Variants in SRRM4 observed in about 807,000 individuals in gnomAD.
SRRM4 encodes the protein serine/arginine repetitive matrix 4.
A neutral mutation model predicts 68.9 loss-of-function variants in SRRM4; 33 were observed. The observed-to-expected ratio is 0.48, with a 90% CI of 0.36 to 0.64. The LOEUF is 0.64. Ranked by LOEUF, SRRM4 falls within the 30% of genes least tolerant of loss-of-function variation. The pLI is 0.00. For missense variants in SRRM4, 817 were observed against 827.1 expected, an observed-to-expected ratio of 0.99 and a Z score of 0.15; for synonymous variants, 318 against 318.8, an observed-to-expected ratio of 1.00 and a Z score of 0.03.
At chr12:119,024,767 T>G (rs1374463683) in intron 1 of SRRM4, among the ~76,000 whole-genome samples, 1 of 152,144 alleles carries the variant, frequency 6.6e-6, no homozygotes, top group African/African-American at 2.4e-5. Flanking sequence ...TCCAATCCCT[T>G]TACGTCCAAC....
At chr12:119,045,085 A>G (rs1197707101) in intron 1 of SRRM4, among the ~76,000 whole-genome samples, 1 of 152,216 alleles carries the variant, frequency 6.6e-6, no homozygotes, top group Non-Finnish European at 1.5e-5. Flanking sequence ...GAGACATGGT[A>G]GCTCTCATTG....
intron 1 of SRRM4, among the ~76,000 whole-genome samples, chr12:119,065,448 C>T (rs1219867673): frequency 6.6e-6 from 1 of 152,146 alleles, no homozygotes; most frequent in Non-Finnish European, 1.5e-5. Context: ...TAAAAAAATC[C>T]ATGGGTGGCC....
intron 1 of SRRM4, among the ~76,000 whole-genome samples, chr12:119,054,711 C>T (rs1391631263): frequency 6.6e-6 from 1 of 152,172 alleles, no homozygotes; most frequent in Non-Finnish European, 1.5e-5. Flanking sequence ...CCAGATAGAT[C>T]CAGGAGCTAG....
chr12:119,022,421 G>T (rs1267567381), intron 1 of SRRM4, among the ~76,000 whole-genome samples: 17 of 152,180 alleles, frequency 1.1e-4, no homozygotes, highest in Admixed American at 1.1e-3. Flanking sequence ...TTAAGGCAAA[G>T]AGATGATCTC....
chr12:119,086,199 C>T (rs756794016), intron 1 of SRRM4, among the ~76,000 whole-genome samples: 3 of 152,112 alleles, frequency 2.0e-5, no homozygotes, highest in Non-Finnish European at 4.4e-5. Flanking sequence ...GCTCCACGTC[C>T]CTCATACACA....
rs1386720519 is a variant in SRRM4 at position 119,030,382 on chromosome 12, G to A, written c.131+48369G>A. On this transcript the variant is annotated intron_variant, in intron 1 of 12. Transcript: ENST00000267260. ...ACTCTCAGGGATTCTGTAAGCCCAG[G>A]AAATCAGGCAGAGTGATTTGTGAGC... Among the ~76,000 whole-genome samples, 3 of 152,286 alleles carry A rather than the reference G, an allele frequency of 2.0e-5. No individual in the cohort carries two copies. In the East Asian group the frequency reaches 5.8e-4, roughly 29 times the overall value.
intron 8 of SRRM4, among the ~76,000 whole-genome samples, chr12:119,137,935 A>C (rs1454939169): frequency 5.3e-5 from 8 of 152,066 alleles, no homozygotes; most frequent in African/African-American, 1.9e-4. Flanking sequence ...TCTGGAAGGA[A>C]GAGATGAAAC....
intron 8 of SRRM4, among the ~76,000 whole-genome samples, chr12:119,143,351 T>C (rs1458887356): frequency 1.3e-5 from 2 of 152,192 alleles, no homozygotes; most frequent in Non-Finnish European, 2.9e-5. Context: ...CTTTTTATGG[T>C]GAAAGCTGCC....
At chr12:118,982,367 A>T (rs1263315296) in intron 1 of SRRM4, among the ~76,000 whole-genome samples, 1 of 152,172 alleles carries the variant, frequency 6.6e-6, no homozygotes, top group Admixed American at 6.5e-5. Flanking sequence ...GGTGGATTTG[A>T]GATGTTTGGG....
intron 1 of SRRM4, among the ~76,000 whole-genome samples, chr12:119,086,140 C>T (rs1953978417): frequency 6.6e-6 from 1 of 152,166 alleles, no homozygotes; most frequent in African/African-American, 2.4e-5. Flanking sequence ...CTCAACGTAA[C>T]TAACCTGCCT....
intron 1 of SRRM4, among the ~76,000 whole-genome samples, chr12:119,027,394 C>G (rs1167230996): frequency 6.6e-6 from 1 of 152,182 alleles, no homozygotes; most frequent in East Asian, 1.9e-4. Context: ...CCTAGTCTTC[C>G]TGAAAGGTCA....
intron 1 of SRRM4, among the ~76,000 whole-genome samples, chr12:119,057,872 T>C (rs1378539522): frequency 1.3e-5 from 2 of 152,198 alleles, no homozygotes; most frequent in Non-Finnish European, 2.9e-5. Context: ...TTCTGGACTT[T>C]TTAGTAATTG....
At chr12:118,995,517 A>G (rs1953343451) in intron 1 of SRRM4, among the ~76,000 whole-genome samples, 2 of 152,206 alleles carry the variant, frequency 1.3e-5, no homozygotes, top group African/African-American at 4.8e-5. Context: ...GTGGCTCAGG[A>G]TATCTGTCCA....
intron 3 of SRRM4, among the ~76,000 whole-genome samples, chr12:119,115,492 C>A (rs1366372168): frequency 1.3e-5 from 2 of 152,116 alleles, no homozygotes; most frequent in East Asian, 1.9e-4. Flanking sequence ...TAGGGGGCAG[C>A]AGAGAGCAGC....
chr12:119,096,676 A>G (rs1229285384), intron 1 of SRRM4, among the ~76,000 whole-genome samples: 5 of 152,182 alleles, frequency 3.3e-5, no homozygotes, highest in African/African-American at 4.8e-5. Context: ...TCCACTCTGT[A>G]CAGGGCTGAG....
intron 8 of SRRM4, among the ~76,000 whole-genome samples, chr12:119,136,360 G>T (rs61938055): frequency 2.6e-5 from 4 of 152,132 alleles, no homozygotes; most frequent in Non-Finnish European, 5.9e-5. Flanking sequence ...TCAACTGGGA[G>T]ACACAATATC....
chr12:119,096,760 G>T lies in SRRM4; in HGVS notation c.132-5476G>T, dbSNP rs139766319. Among the ~76,000 whole-genome samples the T allele has an allele frequency of 1.5e-3, 232 of 152,320 alleles. 3 individuals are homozygous for T. Among genetic ancestry groups the T allele is most frequent in the African/African-American group, 4.9e-3 (203 of 41,562 alleles). On this transcript the variant is annotated intron_variant, in intron 1 of 12. Coordinates refer to ENST00000267260, the MANE Select transcript of SRRM4 (RefSeq NM_194286.4). The stretch of plus-strand genomic sequence containing the variant: ...CAAACAGTGTTTAACTCAATCTAGT[G>T]CTTGGGGCATGAGGATCTGCACCCA...
chr12:119,160,293 C>CTCTCTG lies in SRRM4; in HGVS notation c.*3500_*3501insGTCTCT, dbSNP rs1159790703. 0.01 allele frequency: 379 copies of CTCTCTG among 37,566 alleles called. 2 individuals are homozygous for CTCTCTG. Among genetic ancestry groups the CTCTCTG allele is most frequent in the African/African-American group, 0.057 (358 of 6,228 alleles). The allele number at this position is 37,566 out of a possible 1,614,324, so 2.3% of individuals were successfully genotyped here. A position where few individuals can be genotyped will look rare whatever the true frequency, so the allele number is the denominator to read the frequency against. On this transcript the variant is annotated 3_prime_UTR_variant, in exon 13 of 13. Coordinates refer to ENST00000267260, the MANE Select transcript of SRRM4 (RefSeq NM_194286.4). The stretch of plus-strand genomic sequence containing the variant: ...TCTCTCTCTGTCTCTCTCTCTGTCT[C>CTCTCTG]TCTCTCTCTCTCTCTCTCTCTCTCT...
rs192695747 is a variant in SRRM4 at position 119,045,856 on chromosome 12, G to T, written c.132-56380G>T. ...AGTTCAAGACCAGCCTGGCCAATATGGTAAAACCCCATCTGTACTAAAATA... is the reference window on the plus strand; with the variant it reads ...AGTTCAAGACCAGCCTGGCCAATATTGTAAAACCCCATCTGTACTAAAATA... On this transcript the variant is annotated intron_variant, in intron 1 of 12. Coordinates refer to ENST00000267260, the MANE Select transcript of SRRM4 (RefSeq NM_194286.4). Among the ~76,000 whole-genome samples the T allele has an allele frequency of 2.8e-4, 43 of 152,044 alleles. No individual in the cohort carries two copies. The East Asian group carries it at 8.0e-3, about 28-fold the overall frequency.
Sources: allele counts gnomAD v4.1 joint callset (sites outside exome capture counted in the v4.1 genomes callset), GRCh38; gene constraint gnomAD v4.1.1; transcripts MANE v1.5; gene names NCBI Gene and HGNC (gene_info 2026-07-23, HGNC 2026-07-21).